IQGAP2: variants seen among roughly 807,000 people sequenced by gnomAD.
IQGAP2 encodes the protein IQ motif containing GTPase activating protein 2.
In IQGAP2, 173 loss-of-function variants were observed where a neutral mutation model predicts 201.3. The observed-to-expected ratio is 0.86, with a 90% CI of 0.76 to 0.98. The LOEUF (loss-of-function observed/expected upper bound fraction) is 0.98. Among genes scored for constraint, IQGAP2 ranks in the 50% least tolerant of loss-of-function variants. The pLI is 0.00. For missense variants in IQGAP2, 1,687 were observed against 1,864.8 expected (o/e 0.90, Z 1.76); for synonymous variants, 675 against 673.9 (o/e 1.00, Z -0.03).
intron 13 of IQGAP2, among the ~76,000 whole-genome samples, chr5:76,624,084 A>G (rs1749998715): frequency 6.6e-6 from 1 of 152,118 alleles, no homozygotes; most frequent in Non-Finnish European, 1.5e-5. Context: ...CCTTTATTCC[A>G]TGAGTGTTGG....
intron 17 of IQGAP2, 39 bp from the exon 18 acceptor site, chr5:76,652,710 CT>C (rs1268247695): frequency 1.4e-6 from 2 of 1,410,114 alleles, no homozygotes; most frequent in Middle Eastern, 1.8e-4. Flanking sequence ...AATTGGGAAA[CT>C]TGCTGGTAAA....
intron 3 of IQGAP2, among the ~76,000 whole-genome samples, chr5:76,562,976 A>G (rs187295916): frequency 1.3e-5 from 2 of 152,376 alleles, no homozygotes; most frequent in East Asian, 3.9e-4. Flanking sequence ...AAAGCAAGAT[A>G]CGACTAACCA....
chr5:76,544,170 C>T (rs1026390486), intron 2 of IQGAP2, among the ~76,000 whole-genome samples: 1 of 152,196 alleles, frequency 6.6e-6, no homozygotes, highest in African/African-American at 2.4e-5. Flanking sequence ...CCCCAAATGT[C>T]TGCTGCTCTG....
rs751752162 is a variant in IQGAP2 at position 76,652,739 on chromosome 5, CT to C, written c.2095-7del. On this transcript the variant is annotated splice_polypyrimidine_tract_variant and intron_variant, in intron 17 of 35. Coordinates refer to ENST00000274364, the MANE Select transcript of IQGAP2 (RefSeq NM_006633.5). ...CTGGTAAATAATTCTATAACCCACTCTTTTCCTTAGGCTTTTTGGAAAGGAT... is the reference window on the plus strand; with the variant it reads ...CTGGTAAATAATTCTATAACCCACTCTTTCCTTAGGCTTTTTGGAAAGGAT... The C allele has an allele frequency of 6.3e-7, 1 of 1,593,380 alleles. No homozygotes were observed. Among genetic ancestry groups the C allele is most frequent in the Admixed American group, 1.7e-5 (1 of 59,986 alleles).
intron 12 of IQGAP2, chr5:76,608,886 C>G (rs1291337286): frequency 2.2e-6 from 1 of 453,106 alleles, no homozygotes; most frequent in East Asian, 3.7e-5. Context: ...AATACATGAA[C>G]TCTAAAAGAA....
chr5:76,498,878 T>C (rs1757127828), intron 2 of IQGAP2, among the ~76,000 whole-genome samples: 1 of 152,188 alleles, frequency 6.6e-6, no homozygotes, highest in Non-Finnish European at 1.5e-5. Flanking sequence ...GCTGGCTTGA[T>C]GTCTGGGGTT....
intron 18 of IQGAP2, 56 bp downstream of exon 18, chr5:76,652,889 C>A: frequency 8.9e-7 from 1 of 1,118,084 alleles, no homozygotes; most frequent in Non-Finnish European, 1.4e-6. Context: ...CCCCTCATTT[C>A]ATGTTTAATC....
chr5:76,658,608 G>A lies in IQGAP2; in HGVS notation c.2470G>A (p.Asp824Asn), dbSNP rs939288560. The A allele has an allele frequency of 4.3e-6, 7 of 1,613,924 alleles. No homozygotes were observed. The African/African-American group carries it at 8.0e-5, about 18-fold the overall frequency. Residue 824 changes from aspartate to asparagine, a missense_variant, in exon 21 of 36, where the codon GAC becomes AAC. Transcript: ENST00000274364. ...KIRANQQLEK[D>N]LNLMDIKIGL... ...CAGGGCCAATCAACAGCTGGAAAAA[G>A]ACCTGAACCTGATGGACATCAAGAT...
chr5:76,407,168 A>T (rs1750846233), intron 1 of IQGAP2, among the ~76,000 whole-genome samples: 1 of 151,920 alleles, frequency 6.6e-6, no homozygotes, highest in African/African-American at 2.4e-5. Flanking sequence ...TTTTGTAGAG[A>T]TGGGTTTTCA....
chr5:76,623,923 G>A (rs560769283), intron 13 of IQGAP2, among the ~76,000 whole-genome samples: 258 of 119,944 alleles, frequency 2.2e-3, no homozygotes, highest in Non-Finnish European at 3.3e-3. Flanking sequence ...GGTGAGGATG[G>A]CGTTTGTTCA....
chr5:76,523,113 C>G (rs1758787376), intron 2 of IQGAP2, among the ~76,000 whole-genome samples: 2 of 118,960 alleles, frequency 1.7e-5, no homozygotes, highest in South Asian at 5.6e-4. Context: ...GAGGCAAGGT[C>G]TCACTCTGCT....
intron 1 of IQGAP2, among the ~76,000 whole-genome samples, chr5:76,415,342 T>C (rs1751352560): frequency 6.6e-6 from 1 of 152,116 alleles, no homozygotes; most frequent in Admixed American, 6.6e-5. Flanking sequence ...GTGTAGGTAA[T>C]GAGATATTTT....
rs1408117303 is a variant in IQGAP2, at chr5:76,671,983, G to A, written c.3068G>A (p.Ser1023Asn). Residue 1023 changes from serine (S) to asparagine (N), a missense_variant and splice_region_variant, in exon 24 of 36, where the codon AGC (serine) becomes AAC (asparagine). Coordinates refer to ENST00000274364, the MANE Select transcript of IQGAP2 (RefSeq NM_006633.5). The stretch of plus-strand genomic sequence containing the variant: ...CTAGAAACACAGACTGGAGAGGCCA[G>A]GTAATAGAATCAGGAAGGTGTTGGT... ...NQLETQTGEA[S>N]KLPYDVTTEQ... 4 of 1,602,366 alleles carry A rather than the reference G, an allele frequency of 2.5e-6. No individual in the cohort carries two copies. Among genetic ancestry groups the A allele is most frequent in the Non-Finnish European group, 3.4e-6 (4 of 1,170,026 alleles).
At chr5:76,484,730 A>G (rs925361082) in intron 2 of IQGAP2, among the ~76,000 whole-genome samples, 1 of 152,168 alleles carries the variant, frequency 6.6e-6, no homozygotes, top group African/African-American at 2.4e-5. Context: ...TAATCACTGC[A>G]GCTTTGACCT....
chr5:76,562,948 C>CT (rs1744487124), intron 3 of IQGAP2, among the ~76,000 whole-genome samples: 1 of 152,224 alleles, frequency 6.6e-6, no homozygotes. Flanking sequence ...GCCAAGAATT[C>CT]TTTTCCATTT....
chr5:76,684,476 A>T (rs1745564708), intron 30 of IQGAP2, among the ~76,000 whole-genome samples: 1 of 152,210 alleles, frequency 6.6e-6, no homozygotes, highest in African/African-American at 2.4e-5. Context: ...TTCTCCATCA[A>T]AGAATCAAGG....
intron 2 of IQGAP2, among the ~76,000 whole-genome samples, chr5:76,504,591 T>C (rs1757491839): frequency 6.6e-6 from 1 of 152,182 alleles, no homozygotes; most frequent in South Asian, 2.1e-4. Flanking sequence ...GTGTGTGTGA[T>C]TGCAAACTCA....
In IQGAP2 at chr5:76,673,433, G is replaced by A. The variant is rs373921240; in HGVS notation, c.3069-16G>A. 140 of 1,609,702 alleles carry A rather than the reference G, an allele frequency of 8.7e-5. No homozygotes were observed. The highest frequency in any genetic ancestry group is 2.9e-4 in the Admixed American group (17 of 58,838). On this transcript the variant is annotated splice_polypyrimidine_tract_variant and intron_variant, in intron 24 of 35. Transcript: ENST00000274364. ...TACCTAAGCCTCCAGTTAATTTAAA[G>A]CCTTTGTGTTTTCAGCAAGTTGCCT...
chr5:76,564,873 G>A (rs147773324), intron 3 of IQGAP2, among the ~76,000 whole-genome samples: 54 of 152,262 alleles, frequency 3.5e-4, no homozygotes, highest in African/African-American at 1.2e-3. Flanking sequence ...GAGGGAGATC[G>A]TGGCCAGCTG....
Sources: allele counts gnomAD v4.1 joint callset (sites outside exome capture counted in the v4.1 genomes callset), GRCh38; gene constraint gnomAD v4.1.1; transcripts MANE v1.5; gene names NCBI Gene and HGNC (gene_info 2026-07-23, HGNC 2026-07-21).